Variants in CHTF18 observed in about 807,000 individuals in gnomAD.
CHTF18 encodes the protein chromosome transmission fidelity factor 18, also known as chromosome transmission fidelity protein 18 homolog.
CHTF18 carries 151 observed loss-of-function variants against 113.4 expected under a neutral mutation model. The ratio of observed to expected loss-of-function variants is 1.33; its 90% CI spans 1.17 to 1.52. CHTF18 has a LOEUF of 1.52. Ranked by LOEUF, CHTF18 falls within the 40% of genes most tolerant of loss-of-function variation. The pLI is 0.00. For synonymous variants in CHTF18, 916 were observed against 598.8 expected (o/e 1.53, Z -7.74); for missense variants, 1,982 against 1,381.6 (o/e 1.43, Z -6.89).
intron 9 of CHTF18, 42 bp from the exon 10 acceptor site, chr16:792,182 G>C: frequency 6.5e-7 from 1 of 1,545,576 alleles, no homozygotes; most frequent in East Asian, 2.4e-5. Flanking sequence ...GCCCTGCCAG[G>C]GACGCCCACT....
intron 9 of CHTF18, 126 bp downstream of exon 9, chr16:792,074 C>G (rs185224396): frequency 6.5e-7 from 1 of 1,533,826 alleles, no homozygotes; most frequent in African/African-American, 1.4e-5. Context: ...GTGTGTGGGC[C>G]GGGAAAACGT....
At position 791,870 on chromosome 16, in the gene CHTF18, C is replaced by A. The variant is rs748421563; in HGVS notation, c.1124C>A (p.Pro375His). Residue 375 changes from proline to histidine, a missense_variant, in exon 9 of 22, where the codon CCC becomes CAC. By Grantham distance (77) the Pro-to-His change is moderately conservative (BLOSUM62 -2). Transcript: ENST00000262315. Reference protein sequence around the residue: ...PKQKVALLCGPPGLGKTTLAH... With the variant: ...PKQKVALLCGHPGLGKTTLAH... ...CTGCAGGTGGCACTGCTCTGTGGGC[C>A]CCCGGGGCTGGGGAAGACCACCCTG... 7 of 1,607,252 alleles carry A rather than the reference C, an allele frequency of 4.4e-6. No homozygotes were observed. The African/African-American group carries it at 9.4e-5, about 21-fold the overall frequency.
chr16:796,828 G>T lies in CHTF18; in HGVS notation c.2568G>T (p.Ala856=). Reference sequence around the variant, plus strand: ...TCGAGGTGGAGAAGATGCGGCGGGCGGAGGCTTCTGCCCGGGTAGAGAACA... The same window carrying T: ...TCGAGGTGGAGAAGATGCGGCGGGCTGAGGCTTCTGCCCGGGTAGAGAACA... ...REIEVEKMRR[A]EASARVENSP... The change falls in exon 19 of 22, where the codon GCG becomes GCT. Residue 856 remains alanine (A), a synonymous_variant. Coordinates refer to ENST00000262315, the MANE Select transcript of CHTF18 (RefSeq NM_022092.3). 1 of 1,607,008 alleles carries T rather than the reference G, an allele frequency of 6.2e-7. No individual in the cohort carries two copies.
intron 8 of CHTF18, chr16:791,590 G>C (rs2042197019): frequency 4.9e-6 from 7 of 1,431,730 alleles, no homozygotes; most frequent in Admixed American, 2.9e-5. Flanking sequence ...AGGATGATCT[G>C]GGTGGACGGT....
intron 15 of CHTF18, 120 bp downstream of exon 15, chr16:794,321 C>A: frequency 8.3e-7 from 1 of 1,207,088 alleles, no homozygotes; most frequent in Non-Finnish European, 1.1e-6. Context: ...CTGAGAGAGG[C>A]AGGTTCGGGA....
At chr16:797,798 G>A in intron 21 of CHTF18, 41 bp from the exon 22 acceptor site, 2 of 1,586,728 alleles carry the variant, frequency 1.3e-6, no homozygotes, top group Non-Finnish European at 8.6e-7. Flanking sequence ...GGGGGTTGTG[G>A]GGGGGCCTTA....
intron 4 of CHTF18, chr16:789,918 G>A (rs2042131262): frequency 6.8e-6 from 10 of 1,470,132 alleles, no homozygotes; most frequent in Non-Finnish European, 9.2e-6. Flanking sequence ...TGTTTGTATG[G>A]CCTCGGGTGG....
In CHTF18 at chr16:791,036, C is replaced by T. The variant is rs371408652; in HGVS notation, c.895-125C>T. ...TTGCGGTCACTCGCTGGCAGGAAGA[C>T]GGGGGTGGCCATTCATCCTGTGGCT... On this transcript the variant is annotated intron_variant, in intron 7 of 21. Coordinates refer to ENST00000262315, the MANE Select transcript of CHTF18 (RefSeq NM_022092.3). 7.6e-5 allele frequency: 112 copies of T among 1,482,228 alleles called. No individual in the cohort carries two copies. The East Asian group carries it at 1.3e-3, about 18-fold the overall frequency. 91.8% of individuals were successfully genotyped at this position (1,482,228 alleles called of 1,614,324 possible). A position where few individuals can be genotyped will look rare whatever the true frequency, so the allele number is the denominator to read the frequency against.
rs755778143 is a variant in CHTF18, at chr16:796,045, G to T, written c.2424G>T (p.Thr808=). 2.5e-6 allele frequency: 4 copies of T among 1,604,636 alleles called. No homozygotes were observed. The highest frequency in any genetic ancestry group is 1.7e-5 in the Admixed American group (1 of 59,150). ...GCCTGACCTACCGCCAGGAGCGCAC[G>T]CCCGATGGCCAGTACATCTACAGGC... ...AYSLTYRQER[T]PDGQYIYRLE... is the part of the protein sequence containing the mutation. Residue 808 remains threonine, a synonymous_variant, in exon 18 of 22, where the codon ACG becomes ACT. Coordinates refer to ENST00000262315, the MANE Select transcript of CHTF18 (RefSeq NM_022092.3).
chr16:793,296 G>C, intron 14 of CHTF18, 22 bp downstream of exon 14: 3 of 1,603,752 alleles, frequency 1.9e-6, no homozygotes, highest in African/African-American at 1.3e-5. Context: ...CCACAGCCTC[G>C]GCCCAGATGC....
Position 794,142 on chromosome 16 carries a change from C to G in CHTF18, c.1891C>G (p.Arg631Gly). 6.2e-7 allele frequency: 1 copy of G among 1,612,458 alleles called. No homozygotes were observed. The highest frequency in any genetic ancestry group is 8.5e-7 in the Non-Finnish European group (1 of 1,179,746). ...DAGSLTSASQRFYRVLHAAAS... is the reference protein window; with the variant it reads ...DAGSLTSASQGFYRVLHAAAS... ...GGGCTCCCTCACCTCCGCCTCACAGCGATTCTACCGTGTCCTGCATGCCGC... is the reference window on the plus strand; with the variant it reads ...GGGCTCCCTCACCTCCGCCTCACAGGGATTCTACCGTGTCCTGCATGCCGC... Residue 631 changes from arginine to glycine, a missense_variant, in exon 15 of 22, where the codon CGA becomes GGA. Transcript: ENST00000262315.
intron 7 of CHTF18, chr16:790,878 T>G (rs1596751656): frequency 2.8e-6 from 4 of 1,431,818 alleles, no homozygotes; most frequent in Admixed American, 5.8e-5. Context: ...GGGTCCAGGG[T>G]GTCACCTGAT....
chr16:792,575 G>A lies in CHTF18; in HGVS notation c.1463G>A (p.Cys488Tyr), dbSNP rs377448014. The change falls in exon 11 of 22, where the codon TGC (cysteine) becomes TAC (tyrosine). Residue 488 changes from cysteine to tyrosine, a missense_variant. Physicochemically the swap from Cys to Tyr is radical, Grantham distance 194. Transcript: ENST00000262315. Reference protein sequence around the residue: ...EGGLLMRPIICICNDQFAPSL... With the variant: ...EGGLLMRPIIYICNDQFAPSL... ...GGGCTCCTCATGAGGCCCATTATCT[G>A]CATTTGCAATGACCAGTGAGTGCAT... 7 of 1,595,398 alleles carry A rather than the reference G, an allele frequency of 4.4e-6. No individual in the cohort carries two copies. Among genetic ancestry groups the A allele is most frequent in the Non-Finnish European group, 5.1e-6 (6 of 1,174,650 alleles).
At position 795,544 on chromosome 16, in the gene CHTF18, CAAACACA is replaced by C; in HGVS notation, c.2176-140_2176-134del. On this transcript the variant is annotated intron_variant, in intron 16 of 21. Transcript: ENST00000262315. ...GCCCCCGGCCCCGTGCCCGCCCCCCCAAACACACTGCCCGTGTGGCTGCCCCCGGCCC... is the reference window on the plus strand; with the variant it reads ...GCCCCCGGCCCCGTGCCCGCCCCCCCCTGCCCGTGTGGCTGCCCCCGGCCC... 2 of 141,766 alleles carry C rather than the reference CAAACACA, an allele frequency of 1.4e-5. 1 individual carries two copies. The highest frequency in any genetic ancestry group is 4.4e-4 in the East Asian group (2 of 4,568). 8.8% of individuals were successfully genotyped at this position (141,766 alleles called of 1,614,324 possible). A position where few individuals can be genotyped will look rare whatever the true frequency, so the allele number is the denominator to read the frequency against.
Position 792,214 on chromosome 16 carries a change from C to T in CHTF18, c.1203-10C>T. On this transcript the variant is annotated splice_polypyrimidine_tract_variant and intron_variant, in intron 9 of 21. Coordinates refer to ENST00000262315, the MANE Select transcript of CHTF18 (RefSeq NM_022092.3). ...CACTGCCCTGACGACCCCTGACCTC[C>T]CCATTGCAGTGACGACCGTAGCCCG... 3 of 1,570,386 alleles carry T rather than the reference C, an allele frequency of 1.9e-6. No homozygotes were observed. The highest frequency in any genetic ancestry group is 1.7e-6 in the Non-Finnish European group (2 of 1,158,554).
At chr16:793,123 A>G (rs1199245842) in intron 13 of CHTF18, 21 bp from the exon 14 acceptor site, 2 of 1,582,296 alleles carry the variant, frequency 1.3e-6, no homozygotes, top group Admixed American at 1.8e-5. Flanking sequence ...GCCGCTTCTC[A>G]TGCCCCCGCC....
rs544143627 is a variant in CHTF18, at chr16:798,056, A to T, written c.*81A>T. ...AAGCTGGAGATGTCTTTATAAAGTC[A>T]CACCTTTACAGACTGTAATCACGTG... is the stretch of plus-strand genomic sequence containing the variant. On this transcript the variant is annotated 3_prime_UTR_variant, in exon 22 of 22. Transcript: ENST00000262315. The T allele has an allele frequency of 6.6e-7, 1 of 1,513,676 alleles. No homozygotes were observed. Among genetic ancestry groups the T allele is most frequent in the Non-Finnish European group, 8.9e-7 (1 of 1,122,848 alleles). 93.8% of individuals were successfully genotyped at this position (1,513,676 alleles called of 1,614,324 possible). A position where few individuals can be genotyped will look rare whatever the true frequency, so the allele number is the denominator to read the frequency against.
At position 793,229 on chromosome 16, in the gene CHTF18, T is replaced by C. The variant is rs756159674; in HGVS notation, c.1757T>C (p.Leu586Pro). 5.6e-6 allele frequency: 9 copies of C among 1,609,160 alleles called. No individual in the cohort carries two copies. In the South Asian group the frequency reaches 7.7e-5, roughly 14 times the overall value. ...RVGLKDQRRG[L>P]FSVWQEVFQL... is the part of the protein sequence containing the mutation. The stretch of plus-strand genomic sequence containing the variant: ...GGCCTCAAGGACCAGCGCAGAGGGC[T>C]CTTCTCGGTGTGGCAGGAGGTCTTC... The change falls in exon 14 of 22, where the codon CTC (leucine) becomes CCC (proline). Residue 586 changes from leucine to proline, a missense_variant. Coordinates refer to ENST00000262315, the MANE Select transcript of CHTF18 (RefSeq NM_022092.3).
intron 20 of CHTF18, 124 bp downstream of exon 20, chr16:797,216 C>T (rs928478363): frequency 1.7e-6 from 2 of 1,191,668 alleles, no homozygotes; most frequent in Admixed American, 3.1e-5. Flanking sequence ...GTGGGTGTGG[C>T]TAGGGCCCCT....
Sources: gnomAD v4.1 joint callset for allele counts on GRCh38, gnomAD v4.1.1 for gene constraint, MANE v1.5 for transcripts, NCBI Gene and HGNC (gene_info 2026-07-23, HGNC 2026-07-21) for gene names.